Variants in ZBTB7C observed in about 807,000 individuals in gnomAD.
ZBTB7C encodes zinc finger and BTB domain-containing protein 7C.
Under a neutral mutation model 25.7 loss-of-function variants are expected in ZBTB7C, and 8 were observed. The ratio of observed to expected loss-of-function variants is 0.31; its 90% CI spans 0.18 to 0.56. The LOEUF (loss-of-function observed/expected upper bound fraction) is 0.56. Ranked by LOEUF, ZBTB7C falls within the 20% of genes least tolerant of loss-of-function variation. The probability of loss-of-function intolerance (pLI) is 0.91; values close to 1 mark genes in which losing one functional copy is unlikely to be tolerated. For missense variants in ZBTB7C, 824 were observed against 855.2 expected, an observed-to-expected ratio of 0.96 and a Z score of 0.46; for synonymous variants, 394 against 369.0, an observed-to-expected ratio of 1.07 and a Z score of -0.78.
upstream of ZBTB7C, chr18:48,409,526 G>T (rs1266320094): frequency 6.8e-6 from 1 of 148,086 alleles, no homozygotes; most frequent in East Asian, 2.0e-4. Context: ...CTCGGGGGGC[G>T]CACAGGGCTA....
At chr18:48,146,689 A>G (rs2040507529) in intron 3 of ZBTB7C, among the ~76,000 whole-genome samples, 2 of 152,230 alleles carry the variant, frequency 1.3e-5, no homozygotes, top group Admixed American at 1.3e-4. Context: ...TTCACCTTGT[A>G]AAAGGAGATA....
At chr18:48,247,647 G>A (rs1014254528) in intron 2 of ZBTB7C, among the ~76,000 whole-genome samples, 16 of 152,150 alleles carry the variant, frequency 1.1e-4, no homozygotes, top group African/African-American at 3.9e-4. Context: ...GATATGCTTA[G>A]GCTTTGTGTC....
Position 48,094,021 on chromosome 18 carries a change from T to C in ZBTB7C, c.-16-52898A>G, listed in dbSNP as rs867891609. ...TTGCAGTGAGCTGAGATCACGCCAC[T>C]GCACTCCAGCCTGGGCGACAGAGCG... is the stretch of plus-strand genomic sequence containing the variant. On this transcript the variant is annotated intron_variant, in intron 3 of 4. Coordinates refer to ENST00000590800, the MANE Select transcript of ZBTB7C (RefSeq NM_001318841.2). 2.3e-4 allele frequency among the ~76,000 whole-genome samples: 35 copies of C among 152,302 alleles called. No individual in the cohort carries two copies. In the Middle Eastern group the frequency reaches 0.027, roughly 118 times the overall value.
At position 48,067,136 on chromosome 18, in the gene ZBTB7C, T is replaced by A. The variant is rs527818778; in HGVS notation, c.-16-26013A>T. Among the ~76,000 whole-genome samples the A allele has an allele frequency of 4.0e-5, 6 of 150,156 alleles. No homozygotes were observed. The South Asian group carries it at 1.3e-3, about 32-fold the overall frequency. On this transcript the variant is annotated intron_variant, in intron 3 of 4. Transcript: ENST00000590800. Reference sequence around the variant, plus strand: ...AAAACAAAACAAAACAAAACCTAGCTCTATAGCTCTATAGCTCTATTCCCT... The same window carrying A: ...AAAACAAAACAAAACAAAACCTAGCACTATAGCTCTATAGCTCTATTCCCT...
Position 48,046,387 on chromosome 18 carries a change from G to T in ZBTB7C, c.-16-5264C>A, listed in dbSNP as rs562422649. On this transcript the variant is annotated intron_variant, in intron 3 of 4. Coordinates refer to ENST00000590800, the MANE Select transcript of ZBTB7C (RefSeq NM_001318841.2). ...ACAAAGCCACCCTGTAGGTAGCAGGGTCCTGACCCTCAAAGGGGTCTTCCC... is the reference window on the plus strand; with the variant it reads ...ACAAAGCCACCCTGTAGGTAGCAGGTTCCTGACCCTCAAAGGGGTCTTCCC... Among the ~76,000 whole-genome samples, 8 of 152,286 alleles carry T rather than the reference G, an allele frequency of 5.3e-5. 1 individual carries two copies. In the South Asian group the frequency reaches 8.3e-4, roughly 16 times the overall value.
chr18:48,160,916 A>T (rs2040991576), intron 3 of ZBTB7C, among the ~76,000 whole-genome samples: 1 of 148,862 alleles, frequency 6.7e-6, no homozygotes, highest in African/African-American at 2.5e-5. Context: ...TGCATCTGGA[A>T]TTCCACCATT....
chr18:48,062,933 G>A (rs78203158), intron 3 of ZBTB7C, among the ~76,000 whole-genome samples: 8,073 of 152,272 alleles, frequency 0.053, 279 homozygotes, highest in Admixed American at 0.067. Context: ...GCTGGAACCC[G>A]CATTTTGCCT....
chr18:48,286,583 G>C (rs2045061981), intron 2 of ZBTB7C, among the ~76,000 whole-genome samples: 1 of 152,044 alleles, frequency 6.6e-6, no homozygotes, highest in South Asian at 2.1e-4. Context: ...TTAAGAAAAA[G>C]TTGATAAAAA....
intron 1 of ZBTB7C, chr18:48,350,540 C>T (rs941767513): frequency 6.6e-6 from 1 of 152,238 alleles, no homozygotes; most frequent in Non-Finnish European, 1.5e-5. Context: ...AGGCAACATA[C>T]TCACAGGTTC....
At chr18:48,128,667 G>T (rs7227325) in intron 3 of ZBTB7C, among the ~76,000 whole-genome samples, 1 of 151,888 alleles carries the variant, frequency 6.6e-6, no homozygotes. Flanking sequence ...GTACGCAAAG[G>T]CATACAGAGT....
chr18:48,165,088 A>G (rs2041197169), intron 3 of ZBTB7C: 2 of 1,284,512 alleles, frequency 1.6e-6, no homozygotes, highest in Non-Finnish European at 2.0e-6. Flanking sequence ...CATTCCCACA[A>G]ACAAGTATGG....
rs2042179703 is a variant in ZBTB7C at position 48,190,966 on chromosome 18, T to C, written c.-78-4971A>G. On this transcript the variant is annotated intron_variant, in intron 2 of 4. Coordinates refer to ENST00000590800, the MANE Select transcript of ZBTB7C (RefSeq NM_001318841.2). ...TTGGTGTTGTTCTTCTTGGAGTCTC[T>C]TTTGGGGAAAACAAGTCCCATGCTT... 3.3e-5 allele frequency among the ~76,000 whole-genome samples: 5 copies of C among 152,340 alleles called. No individual in the cohort carries two copies. The South Asian group carries it at 1.0e-3, about 32-fold the overall frequency.
At chr18:48,111,914 A>G (rs12454550) in intron 3 of ZBTB7C, among the ~76,000 whole-genome samples, 4,240 of 152,266 alleles carry the variant, frequency 0.028, 144 homozygotes, top group East Asian at 0.15. Flanking sequence ...TCTACTTCTC[A>G]TTGTTTATCC....
intron 3 of ZBTB7C, among the ~76,000 whole-genome samples, chr18:48,126,500 T>A (rs1008199731): frequency 6.6e-6 from 1 of 152,192 alleles, no homozygotes; most frequent in African/African-American, 2.4e-5. Context: ...ACTTCCACAG[T>A]GTGTTGCTTA....
chr18:48,130,499 T>C (rs2039954423), intron 3 of ZBTB7C, among the ~76,000 whole-genome samples: 1 of 152,126 alleles, frequency 6.6e-6, no homozygotes, highest in Admixed American at 6.5e-5. Context: ...CGTGACTGTC[T>C]TACCAAGTAA....
intron 1 of ZBTB7C, among the ~76,000 whole-genome samples, chr18:48,355,742 C>T (rs1173648015): frequency 6.6e-6 from 1 of 152,200 alleles, no homozygotes; most frequent in Non-Finnish European, 1.5e-5. Context: ...TCCCGTGCAC[C>T]CCTGCAACCT....
intron 3 of ZBTB7C, among the ~76,000 whole-genome samples, chr18:48,081,429 A>G (rs4940238): frequency 0.17 from 25,338 of 151,522 alleles, 2,491 homozygotes; most frequent in South Asian, 0.23. Context: ...CTCATTCTAA[A>G]TGATTTCTTT....
intron 3 of ZBTB7C, among the ~76,000 whole-genome samples, chr18:48,166,086 T>C (rs563774422): frequency 1.3e-5 from 2 of 152,232 alleles, no homozygotes. Context: ...TATTTATATA[T>C]GTGTAACATA....
chr18:48,217,693 C>A (rs561169731), intron 2 of ZBTB7C, among the ~76,000 whole-genome samples: 1 of 150,086 alleles, frequency 6.7e-6, no homozygotes, highest in Admixed American at 6.6e-5. Flanking sequence ...CCATCCATCA[C>A]GGCACTAACC....
Sources: gnomAD v4.1 joint callset for allele counts (sites outside exome capture counted in the v4.1 genomes callset) on GRCh38, gnomAD v4.1.1 for gene constraint, MANE v1.5 for transcripts, NCBI Gene and HGNC (gene_info 2026-07-23, HGNC 2026-07-21) for gene names.